Variants in PCDH15 observed in about 807,000 individuals in gnomAD.
PCDH15 encodes protocadherin-15.
PCDH15 carries 129 observed loss-of-function variants against 178.5 expected under a neutral mutation model. The observed-to-expected ratio is 0.72, with a 90% confidence interval of 0.63 to 0.84. The LOEUF (loss-of-function observed/expected upper bound fraction) is 0.84, where lower values mean the gene tolerates loss of function less well. Ranked by LOEUF, PCDH15 falls within the 40% of genes least tolerant of loss-of-function variation. PCDH15 has a pLI of 0.00. For synonymous variants in PCDH15, 800 were observed against 732.0 expected, an observed-to-expected ratio of 1.09 and a Z score of -1.50; for missense variants, 2,230 against 2,099.9, an observed-to-expected ratio of 1.06 and a Z score of -1.21.
chr10:54,649,727 T>C (rs2094211572), intron 2 of PCDH15, among the ~76,000 whole-genome samples: 1 of 152,276 alleles, frequency 6.6e-6, no homozygotes, highest in South Asian at 2.1e-4. Flanking sequence ...CCTAGATTTC[T>C]TGTTTTCCTA....
At chr10:53,939,773 C>A (rs2256013) in intron 24 of PCDH15, among the ~76,000 whole-genome samples, 5,343 of 151,970 alleles carry the variant, frequency 0.035, 294 homozygotes, top group African/African-American at 0.12. Context: ...AATAAATGTA[C>A]AACAGTCACT....
intron 3 of PCDH15, among the ~76,000 whole-genome samples, chr10:54,521,351 A>G (rs537353229): frequency 1.3e-5 from 2 of 152,136 alleles, no homozygotes; most frequent in African/African-American, 2.4e-5. Context: ...CTTAGAGAAT[A>G]CTGATGGGAT....
intron 10 of PCDH15, among the ~76,000 whole-genome samples, chr10:54,210,606 A>G (rs1467079163): frequency 2.0e-5 from 3 of 152,042 alleles, no homozygotes; most frequent in African/African-American, 7.2e-5. Context: ...TTTGAATTAG[A>G]CTGTTGACAA....
At chr10:54,426,303 G>T (rs1207859938) in intron 3 of PCDH15, among the ~76,000 whole-genome samples, 3 of 152,106 alleles carry the variant, frequency 2.0e-5, no homozygotes, top group African/African-American at 7.2e-5. Context: ...GACAGGGTTG[G>T]GGGGAAGGTT....
intron 2 of PCDH15, among the ~76,000 whole-genome samples, chr10:54,594,700 TTC>T (rs2092108451): frequency 6.6e-6 from 1 of 152,204 alleles, no homozygotes; most frequent in Non-Finnish European, 1.5e-5. Context: ...TAGCCTTTCC[TTC>T]TCTGACAGTG....
At chr10:54,362,371 A>T (rs1946185220) in intron 5 of PCDH15, among the ~76,000 whole-genome samples, 1 of 152,126 alleles carries the variant, frequency 6.6e-6, no homozygotes, top group South Asian at 2.1e-4. Context: ...ATAAATCTAA[A>T]GTTTGAAGAC....
At chr10:55,455,170 A>G (rs1334924371) in intron 2 of PCDH15, among the ~76,000 whole-genome samples, 4 of 152,114 alleles carry the variant, frequency 2.6e-5, no homozygotes, top group Non-Finnish European at 4.4e-5. Context: ...CCTAAGCACA[A>G]ACTAATATGC....
At chr10:55,483,301 A>T (rs1276651285) in intron 2 of PCDH15, among the ~76,000 whole-genome samples, 1 of 151,810 alleles carries the variant, frequency 6.6e-6, no homozygotes, top group African/African-American at 2.4e-5. Context: ...TCCATAAAAA[A>T]GTGGGCAAAG....
intron 26 of PCDH15, among the ~76,000 whole-genome samples, chr10:53,890,972 C>T (rs567359224): frequency 1.3e-4 from 20 of 152,130 alleles, no homozygotes; most frequent in East Asian, 7.7e-4. Flanking sequence ...TTCTTCATAA[C>T]GCATTTTAAG....
chr10:54,479,692 C>T (rs530572717), intron 3 of PCDH15, among the ~76,000 whole-genome samples: 1 of 151,896 alleles, frequency 6.6e-6, no homozygotes, highest in Admixed American at 6.6e-5. Context: ...TATAACTTTG[C>T]AGTTCCTTCT....
intron 27 of PCDH15, among the ~76,000 whole-genome samples, chr10:53,858,213 G>GAGTT (rs1191139107): frequency 6.6e-6 from 1 of 152,064 alleles, no homozygotes; most frequent in Non-Finnish European, 1.5e-5. Flanking sequence ...TGAACACTCT[G>GAGTT]AGTTAGGCAT....
intron 28 of PCDH15, among the ~76,000 whole-genome samples, chr10:53,841,708 C>T (rs916715851): frequency 2.0e-5 from 3 of 152,156 alleles, no homozygotes; most frequent in Non-Finnish European, 2.9e-5. Flanking sequence ...CACCACTCCA[C>T]GCCCACTGGT....
chr10:55,432,114 C>CACACACACACACA (rs71014487), intron 2 of PCDH15, among the ~76,000 whole-genome samples: 4 of 146,974 alleles, frequency 2.7e-5, no homozygotes, highest in Non-Finnish European at 6.0e-5. Flanking sequence ...CACACACACA[C>CACACACACACACA]CACAAGTCTC....
intron 2 of PCDH15, among the ~76,000 whole-genome samples, chr10:55,452,002 AT>A (rs1163840562): frequency 6.6e-5 from 10 of 152,326 alleles, no homozygotes; most frequent in Admixed American, 5.9e-4. Context: ...GAATAAATGT[AT>A]TTTAAGTATT....
chr10:54,448,409 G>A (rs778338732), intron 3 of PCDH15, among the ~76,000 whole-genome samples: 1 of 151,542 alleles, frequency 6.6e-6, no homozygotes, highest in Non-Finnish European at 1.5e-5. Flanking sequence ...AGTAAGCTGA[G>A]GCTGACAATA....
At chr10:55,411,852 T>C (rs1166360503) in intron 2 of PCDH15, among the ~76,000 whole-genome samples, 1 of 151,974 alleles carries the variant, frequency 6.6e-6, no homozygotes, top group Non-Finnish European at 1.5e-5. Context: ...TTAGGTAAAC[T>C]ATAGAGGCTG....
At chr10:54,875,150 G>C (rs1255038308) in intron 3 of PCDH15, among the ~76,000 whole-genome samples, 1 of 152,144 alleles carries the variant, frequency 6.6e-6, no homozygotes, top group Admixed American at 6.6e-5. Context: ...CACTGTGGTA[G>C]TTCTCACAAT....
intron 2 of PCDH15, chr10:54,655,646 A>G (rs2094389938): frequency 6.6e-6 from 1 of 152,164 alleles, no homozygotes; most frequent in Non-Finnish European, 1.5e-5. Context: ...GCATAAGGTC[A>G]GAACTTAGAG....
At chr10:54,563,929 G>C (rs930105957) in intron 2 of PCDH15, among the ~76,000 whole-genome samples, 19 of 151,998 alleles carry the variant, frequency 1.3e-4, no homozygotes, top group Non-Finnish European at 1.8e-4. Flanking sequence ...TGCCTCACAG[G>C]GGGAGAAAAA....
Sources: allele counts gnomAD v4.1 joint callset (sites outside exome capture counted in the v4.1 genomes callset), GRCh38; gene constraint gnomAD v4.1.1; transcripts MANE v1.5; gene names NCBI Gene and HGNC (gene_info 2026-07-23, HGNC 2026-07-21).